TEX11: variants seen among roughly 807,000 people sequenced by gnomAD.
TEX11 encodes testis-expressed protein 11.
Under a neutral mutation model 84.4 loss-of-function variants are expected in TEX11, and 7 were observed. That is an observed-to-expected ratio of 0.08 (90% CI 0.05 to 0.16). The LOEUF is 0.16. Among genes scored for constraint, TEX11 ranks in the 10% least tolerant of loss-of-function variants. The probability of loss-of-function intolerance (pLI) is 1.00; values close to 1 mark genes in which losing one functional copy is unlikely to be tolerated. For synonymous variants in TEX11, 264 were observed against 222.8 expected, an observed-to-expected ratio of 1.18 and a Z score of -1.64; for missense variants, 551 against 660.5, an observed-to-expected ratio of 0.83 and a Z score of 1.82.
chrX:70,748,072 A>G (rs1366910365), intron 9 of TEX11, among the ~76,000 whole-genome samples: 1 of 111,286 alleles, frequency 9.0e-6, no homozygotes, highest in Non-Finnish European at 1.9e-5. Flanking sequence ...AGAAAAATGA[A>G]CATGGGCTCA....
chrX:70,885,709 T>C (rs929132368), intron 2 of TEX11, among the ~76,000 whole-genome samples: 4 of 109,581 alleles, frequency 3.7e-5, no homozygotes, highest in East Asian at 2.9e-4. Context: ...CTGAGCAACA[T>C]GGTGAAACCC....
Position 70,702,623 on chromosome X carries a change from T to C in TEX11, c.1005-19798A>G, listed in dbSNP as rs1289561539. Among the ~76,000 whole-genome samples, 3 of 111,651 alleles carry C rather than the reference T, an allele frequency of 2.7e-5. No homozygotes were observed. The East Asian group carries it at 8.4e-4, about 31-fold the overall frequency. ...CACATGAAGATTCATGCAACTACCA[T>C]GGCAAACAAGAACTGTCTTATCACC... is the stretch of plus-strand genomic sequence containing the variant. On this transcript the variant is annotated intron_variant, in intron 13 of 29. Transcript: ENST00000374333.
intron 2 of TEX11, among the ~76,000 whole-genome samples, chrX:70,892,073 A>C (rs2091740954): frequency 8.9e-6 from 1 of 111,830 alleles, no homozygotes; most frequent in Non-Finnish European, 1.9e-5. Context: ...AGTGGGGGCC[A>C]ATATTCAACA....
At chrX:70,618,309 A>G (rs1227628549) in intron 20 of TEX11, among the ~76,000 whole-genome samples, 1 of 111,557 alleles carries the variant, frequency 9.0e-6, no homozygotes, top group Non-Finnish European at 1.9e-5. Flanking sequence ...TATCCATCAG[A>G]AGAATCCCCT....
intron 28 of TEX11, among the ~76,000 whole-genome samples, chrX:70,531,812 A>T (rs1032147824): frequency 5.4e-5 from 6 of 112,099 alleles, no homozygotes; most frequent in Non-Finnish European, 1.1e-4. Context: ...TATGAACTAA[A>T]TCTCAATTAA....
intron 10 of TEX11, among the ~76,000 whole-genome samples, chrX:70,743,198 A>G (rs1416245217): frequency 1.8e-5 from 2 of 111,897 alleles, no homozygotes; most frequent in Non-Finnish European, 3.8e-5. Context: ...CAGTTAACCC[A>G]TGTTGTAGCA....
intron 8 of TEX11, among the ~76,000 whole-genome samples, chrX:70,816,038 T>C (rs2091284594): frequency 2.7e-5 from 3 of 111,549 alleles, no homozygotes; most frequent in Non-Finnish European, 5.7e-5. Context: ...CCGAGTAGTA[T>C]AAACTGCACC....
intron 25 of TEX11, among the ~76,000 whole-genome samples, chrX:70,580,622 TAA>T (rs2088758991): frequency 8.9e-6 from 1 of 112,589 alleles, no homozygotes; most frequent in African/African-American, 3.2e-5. Flanking sequence ...AATTTTTATT[TAA>T]AAGAGTTATG....
At chrX:70,851,605 A>G (rs186922350) in intron 7 of TEX11, among the ~76,000 whole-genome samples, 8 of 110,047 alleles carry the variant, frequency 7.3e-5, no homozygotes, top group Admixed American at 9.8e-5. Context: ...ACACAGACTT[A>G]GAGTTACCAT....
At chrX:70,686,756 T>C (rs2090192898) in intron 13 of TEX11, among the ~76,000 whole-genome samples, 1 of 110,265 alleles carries the variant, frequency 9.1e-6, no homozygotes, top group African/African-American at 3.3e-5. Flanking sequence ...TAAACAAAAA[T>C]TATTTTTTTA....
Position 70,807,213 on chromosome X carries a change from T to C in TEX11, c.607-423A>G, listed in dbSNP as rs2091224317. Among the ~76,000 whole-genome samples, 3 of 109,603 alleles carry C rather than the reference T, an allele frequency of 2.7e-5. No homozygotes were observed. The Admixed American group carries it at 3.0e-4, about 11-fold the overall frequency. On this transcript the variant is annotated intron_variant, in intron 8 of 29. Transcript: ENST00000374333. ...AGGGAGTATATTCAAAGACAAAAAA[T>C]CACTATTGACGAGGAGTGAGGTTGG...
At chrX:70,800,714 A>G (rs2091182666) in intron 9 of TEX11, among the ~76,000 whole-genome samples, 3 of 86,937 alleles carry the variant, frequency 3.5e-5, no homozygotes, top group Non-Finnish European at 4.4e-5. Flanking sequence ...TTTTTTTGAG[A>G]CAAGATCTCA....
intron 25 of TEX11, among the ~76,000 whole-genome samples, chrX:70,568,310 A>T (rs2088526261): frequency 9.1e-6 from 1 of 110,357 alleles, no homozygotes; most frequent in African/African-American, 3.3e-5. Flanking sequence ...TCTGCATGTG[A>T]GATGGGTTTC....
intron 18 of TEX11, among the ~76,000 whole-genome samples, chrX:70,625,639 C>T (rs1392353331): frequency 9.0e-6 from 1 of 111,145 alleles, no homozygotes; most frequent in Non-Finnish European, 1.9e-5. Flanking sequence ...ACTATATCAC[C>T]CACTACCCTT....
chrX:70,783,454 G>A (rs1455704179), intron 9 of TEX11, among the ~76,000 whole-genome samples: 1 of 111,394 alleles, frequency 9.0e-6, no homozygotes, highest in Non-Finnish European at 1.9e-5. Context: ...TTCAAAGTTA[G>A]CAGAAGGCAA....
chrX:70,592,093 G>C (rs1466283569), intron 24 of TEX11, among the ~76,000 whole-genome samples: 1 of 111,397 alleles, frequency 9.0e-6, no homozygotes, highest in Non-Finnish European at 1.9e-5. Flanking sequence ...AACACTTCTA[G>C]AATGGTTGTG....
chrX:70,855,520 C>A (rs1426700026), intron 5 of TEX11, among the ~76,000 whole-genome samples: 1 of 108,107 alleles, frequency 9.3e-6, no homozygotes, highest in African/African-American at 3.4e-5. Context: ...GAGCTGAGAT[C>A]ATGCCACTGC....
intron 7 of TEX11, among the ~76,000 whole-genome samples, chrX:70,835,721 G>A (rs890951317): frequency 8.9e-6 from 1 of 112,332 alleles, no homozygotes; most frequent in Non-Finnish European, 1.9e-5. Context: ...TACAATATAG[G>A]ATTGATTTTT....
intron 2 of TEX11, among the ~76,000 whole-genome samples, chrX:70,893,347 AGAAAG>A (rs1206069713): frequency 8.9e-6 from 1 of 111,909 alleles, no homozygotes; most frequent in Admixed American, 9.6e-5. Context: ...TCATAACAAA[AGAAAG>A]GAAATCATAA....
Sources: gnomAD v4.1 joint callset for allele counts (sites outside exome capture counted in the v4.1 genomes callset) on GRCh38, gnomAD v4.1.1 for gene constraint, MANE v1.5 for transcripts, NCBI Gene and HGNC (gene_info 2026-07-23, HGNC 2026-07-21) for gene names.